Variants in WDR70 observed in about 807,000 individuals in gnomAD.
WDR70 encodes the protein WD repeat domain 70, also known as WD repeat-containing protein 70.
WDR70 carries 53 observed loss-of-function variants against 88.6 expected under a neutral mutation model. The observed-to-expected ratio is 0.60, with a 90% confidence interval of 0.48 to 0.75. The LOEUF (loss-of-function observed/expected upper bound fraction) is 0.75, where lower values mean the gene tolerates loss of function less well. Among genes scored for constraint, WDR70 ranks in the 30% least tolerant of loss-of-function variants. The probability of loss-of-function intolerance (pLI) is 0.00; values close to 1 mark genes in which losing one functional copy is unlikely to be tolerated. For missense variants in WDR70, 610 were observed against 823.2 expected, an observed-to-expected ratio of 0.74 and a Z score of 3.17; for synonymous variants, 280 against 270.0, an observed-to-expected ratio of 1.04 and a Z score of -0.36.
chr5:37,746,393 A>G (rs1748638717), intron 17 of WDR70, among the ~76,000 whole-genome samples: 1 of 152,144 alleles, frequency 6.6e-6, no homozygotes, highest in Admixed American at 6.5e-5. Flanking sequence ...AGACTAATCC[A>G]AAAGCTAGCA....
chr5:37,480,361 G>A (rs771899084), intron 8 of WDR70, among the ~76,000 whole-genome samples: 7 of 152,068 alleles, frequency 4.6e-5, no homozygotes, highest in African/African-American at 1.4e-4. Context: ...GGTAGTCTTA[G>A]GTGTATTAGT....
intron 5 of WDR70, among the ~76,000 whole-genome samples, chr5:37,410,193 GTTTTTT>G (rs952637754): frequency 8.4e-6 from 1 of 119,456 alleles, no homozygotes; most frequent in African/African-American, 3.1e-5. Flanking sequence ...GAGTTTGTTA[GTTTTTT>G]TTTTTTTTTT....
At chr5:37,487,885 A>G (rs893917306) in intron 8 of WDR70, among the ~76,000 whole-genome samples, 1 of 151,894 alleles carries the variant, frequency 6.6e-6, no homozygotes, top group South Asian at 2.1e-4. Context: ...AGGCCTCCCA[A>G]AGTGCTGGGA....
intron 11 of WDR70, among the ~76,000 whole-genome samples, chr5:37,699,773 C>A (rs112425575): frequency 6.6e-6 from 1 of 151,662 alleles, no homozygotes; most frequent in Non-Finnish European, 1.5e-5. Flanking sequence ...CATGATGAAA[C>A]CCTGTCTCTA....
chr5:37,687,159 C>G (rs1746635046), intron 10 of WDR70, among the ~76,000 whole-genome samples: 1 of 152,036 alleles, frequency 6.6e-6, no homozygotes, highest in Non-Finnish European at 1.5e-5. Context: ...GGATATTTGT[C>G]ATAATGGACT....
intron 9 of WDR70, among the ~76,000 whole-genome samples, chr5:37,552,660 G>A (rs1742179743): frequency 1.3e-5 from 2 of 152,188 alleles, no homozygotes; most frequent in South Asian, 4.1e-4. Flanking sequence ...TGCATTTAGA[G>A]TGCCCTTTCT....
chr5:37,741,166 C>G (rs1748461987), intron 17 of WDR70, among the ~76,000 whole-genome samples: 1 of 151,798 alleles, frequency 6.6e-6, no homozygotes, highest in Non-Finnish European at 1.5e-5. Context: ...AAGGCCCTCT[C>G]CAAGGCACCT....
Position 37,446,271 on chromosome 5 carries a change from T to C in WDR70, c.686+2899T>C, listed in dbSNP as rs189032692. ...CTCTTCAAGGAGAACTACAAACCAC[T>C]GCTCAACAAAATGAAAGAGGACACA... On this transcript the variant is annotated intron_variant, in intron 7 of 17. Transcript: ENST00000265107. 2.2e-4 allele frequency among the ~76,000 whole-genome samples: 34 copies of C among 152,246 alleles called. No individual in the cohort carries two copies. In the East Asian group the frequency reaches 5.2e-3, roughly 23 times the overall value.
At chr5:37,472,016 G>T (rs564579050) in intron 7 of WDR70, among the ~76,000 whole-genome samples, 1 of 151,880 alleles carries the variant, frequency 6.6e-6, no homozygotes, top group South Asian at 2.1e-4. Flanking sequence ...CATTAAGGAA[G>T]ATATTTGTTA....
chr5:37,558,171 T>G (rs918636001), intron 9 of WDR70, among the ~76,000 whole-genome samples: 2 of 152,088 alleles, frequency 1.3e-5, no homozygotes, highest in Non-Finnish European at 2.9e-5. Flanking sequence ...TGAATGTACC[T>G]TCAACAGAAA....
At position 37,504,489 on chromosome 5, in the gene WDR70, G is replaced by A. The variant is rs149569475; in HGVS notation, c.841-12025G>A. ...TCTACAGAGGTACCTTCAAGTGAAT[G>A]AATAACATATTCTCTAATTCCTGAA... On this transcript the variant is annotated intron_variant, in intron 8 of 17. Coordinates refer to ENST00000265107, the MANE Select transcript of WDR70 (RefSeq NM_018034.4). 2.0e-5 allele frequency among the ~76,000 whole-genome samples: 3 copies of A among 152,254 alleles called. No individual in the cohort carries two copies. The East Asian group carries it at 5.8e-4, about 29-fold the overall frequency.
rs1371613180 is a variant in WDR70 at position 37,492,705 on chromosome 5, C to T, written c.840+12718C>T. On this transcript the variant is annotated intron_variant, in intron 8 of 17. Transcript: ENST00000265107. The stretch of plus-strand genomic sequence containing the variant: ...ATATATAGGCAAGGAGATTTCTAAG[C>T]AAAATGTTGAAGGTGCTGCCTGGTT... Among the ~76,000 whole-genome samples the T allele has an allele frequency of 2.6e-5, 4 of 152,112 alleles. No individual in the cohort carries two copies. The East Asian group carries it at 7.7e-4, about 29-fold the overall frequency.
At chr5:37,724,433 A>G (rs1306680687) in intron 15 of WDR70, 3 of 152,700 alleles carry the variant, frequency 2.0e-5, no homozygotes, top group East Asian at 1.9e-4. Flanking sequence ...TTTCAGTGGG[A>G]TAAGTGTTCC....
Position 37,549,317 on chromosome 5 carries a change from A to G in WDR70, c.917+32727A>G, listed in dbSNP as rs959166269. On this transcript the variant is annotated intron_variant, in intron 9 of 17. Coordinates refer to ENST00000265107, the MANE Select transcript of WDR70 (RefSeq NM_018034.4). Reference sequence around the variant, plus strand: ...GGTGTCCTCTTCAATTTCTTTCATCAGTTTTTTATAGTCTTCATTGTAGAG... The same window carrying G: ...GGTGTCCTCTTCAATTTCTTTCATCGGTTTTTTATAGTCTTCATTGTAGAG... Among the ~76,000 whole-genome samples, 9 of 152,108 alleles carry G rather than the reference A, an allele frequency of 5.9e-5. No homozygotes were observed. In the South Asian group the frequency reaches 1.0e-3, roughly 18 times the overall value.
chr5:37,571,014 A>AT (rs144517943), intron 9 of WDR70, among the ~76,000 whole-genome samples: 5,266 of 149,536 alleles, frequency 0.035, 314 homozygotes, highest in African/African-American at 0.12. Flanking sequence ...AGTTTGTATG[A>AT]TTTTTTTTTT....
chr5:37,697,026 C>T (rs1747004738), intron 10 of WDR70, among the ~76,000 whole-genome samples: 1 of 152,148 alleles, frequency 6.6e-6, no homozygotes, highest in African/African-American at 2.4e-5. Context: ...GTTTCTGTAC[C>T]TCAGTTTCTC....
rs189414172 is a variant in WDR70, at chr5:37,643,192, T to G, written c.1092+37954T>G. On this transcript the variant is annotated intron_variant, in intron 10 of 17. Coordinates refer to ENST00000265107, the MANE Select transcript of WDR70 (RefSeq NM_018034.4). ...GGAGAGATGGGGTCTAGTTTCATTC[T>G]TCTGTATATGGATGTCTGTTTTTTC... 1.8e-4 allele frequency among the ~76,000 whole-genome samples: 28 copies of G among 152,264 alleles called. 1 individual carries two copies. The highest frequency in any genetic ancestry group is 1.8e-3 in the Admixed American group (28 of 15,286).
chr5:37,639,427 C>G lies in WDR70; in HGVS notation c.1092+34189C>G, dbSNP rs555187963. On this transcript the variant is annotated intron_variant, in intron 10 of 17. Transcript: ENST00000265107. ...AAGACAGGAAGAAGTTTAAAAATTA[C>G]TCTCTAAATACTTTTCCTGTCTCAT... 2.0e-5 allele frequency among the ~76,000 whole-genome samples: 3 copies of G among 152,334 alleles called. No individual in the cohort carries two copies. In the East Asian group the frequency reaches 5.8e-4, roughly 29 times the overall value.
chr5:37,503,843 G>A (rs900569645), intron 8 of WDR70, among the ~76,000 whole-genome samples: 3 of 152,052 alleles, frequency 2.0e-5, no homozygotes, highest in African/African-American at 7.2e-5. Flanking sequence ...CCTGATGCAA[G>A]CTCTGGGGGT....
Sources: gnomAD v4.1 joint callset for allele counts (sites outside exome capture counted in the v4.1 genomes callset) on GRCh38, gnomAD v4.1.1 for gene constraint, MANE v1.5 for transcripts, NCBI Gene and HGNC (gene_info 2026-07-23, HGNC 2026-07-21) for gene names.